Variants in SORCS1 observed in about 807,000 individuals in gnomAD.
The protein encoded by SORCS1 is VPS10 domain-containing receptor SorCS1.
A neutral mutation model predicts 146.1 loss-of-function variants in SORCS1; 60 were observed. That is an observed-to-expected ratio of 0.41 (90% CI 0.33 to 0.51). The LOEUF is 0.51. SORCS1 is among the 20% of genes least tolerant of loss of function. The pLI is 0.21. For synonymous variants in SORCS1, 637 were observed against 584.0 expected (o/e 1.09, Z -1.31); for missense variants, 1,352 against 1,487.6 (o/e 0.91, Z 1.50).
Position 106,861,167 on chromosome 10 carries a change from G to A in SORCS1, c.627-31494C>T, listed in dbSNP as rs148986404. 3.5e-3 allele frequency among the ~76,000 whole-genome samples: 528 copies of A among 152,268 alleles called. 6 individuals carry two copies. The highest frequency in any genetic ancestry group is 0.012 in the African/African-American group (516 of 41,574). On this transcript the variant is annotated intron_variant, in intron 2 of 25. Coordinates refer to ENST00000263054, the MANE Select transcript of SORCS1 (RefSeq NM_052918.5). ...AATCCCAGCACTTTGGGAGGCCGAG[G>A]CAGGCAGATTGCCTGAGCTCAGGAG...
chr10:106,674,238 A>G (rs1010487453), intron 14 of SORCS1, among the ~76,000 whole-genome samples: 2 of 148,652 alleles, frequency 1.3e-5, no homozygotes, highest in Non-Finnish European at 3.0e-5. Flanking sequence ...CTAAGGCAGG[A>G]GAATGGCATG....
chr10:106,868,594 T>C (rs186033201), intron 2 of SORCS1, among the ~76,000 whole-genome samples: 2 of 152,260 alleles, frequency 1.3e-5, no homozygotes, highest in Admixed American at 6.5e-5. Flanking sequence ...TGAATCACTT[T>C]TGGGTAAATA....
intron 3 of SORCS1, among the ~76,000 whole-genome samples, chr10:106,803,728 A>C (rs1046983588): frequency 1.3e-5 from 2 of 152,204 alleles, no homozygotes; most frequent in Non-Finnish European, 2.9e-5. Context: ...CAACTGATAA[A>C]AGAGTTTCTG....
At chr10:107,054,186 G>T (rs1035987180) in intron 1 of SORCS1, among the ~76,000 whole-genome samples, 18 of 152,166 alleles carry the variant, frequency 1.2e-4, no homozygotes, top group African/African-American at 4.3e-4. Flanking sequence ...TCAGAGAGGG[G>T]AAACTAGAAG....
chr10:107,178,844 A>T, the SORCS1 span, among the ~76,000 whole-genome samples: 4 of 135,498 alleles, frequency 3.0e-5, no homozygotes, highest in Non-Finnish European at 4.9e-5. Context: ...ATACCACATT[A>T]AAAAAAATCC....
At chr10:106,646,254 AAAAAAT>A (rs1462883658) in intron 18 of SORCS1, among the ~76,000 whole-genome samples, 1 of 152,140 alleles carries the variant, frequency 6.6e-6, no homozygotes, top group African/African-American at 2.4e-5. Context: ...CTCCATCTCA[AAAAAAT>A]AAAAATAAAA....
intron 5 of SORCS1, among the ~76,000 whole-genome samples, chr10:106,759,306 C>T (rs552437387): frequency 4.2e-4 from 64 of 152,234 alleles, no homozygotes; most frequent in Non-Finnish European, 7.9e-4. Flanking sequence ...TCATTGGCTC[C>T]TAAAAGGTCA....
At chr10:106,618,851 G>A (rs992719308) in intron 20 of SORCS1, among the ~76,000 whole-genome samples, 2 of 151,950 alleles carry the variant, frequency 1.3e-5, no homozygotes, top group Admixed American at 1.3e-4. Flanking sequence ...GTGGAAACAA[G>A]CACTAATTGG....
chr10:107,141,434 G>T (rs1303053813), intron 1 of SORCS1, among the ~76,000 whole-genome samples: 1 of 152,122 alleles, frequency 6.6e-6, no homozygotes, highest in East Asian at 1.9e-4. Flanking sequence ...GAGGAAGTAT[G>T]CAGTGAGCCC....
chr10:107,127,619 A>G (rs113811640), intron 1 of SORCS1, among the ~76,000 whole-genome samples: 1 of 152,172 alleles, frequency 6.6e-6, no homozygotes, highest in African/African-American at 2.4e-5. Flanking sequence ...GTCCTCTGTG[A>G]ACATCTCACG....
At chr10:107,062,950 A>G (rs946866812) in intron 1 of SORCS1, among the ~76,000 whole-genome samples, 1 of 152,222 alleles carries the variant, frequency 6.6e-6, no homozygotes, top group Non-Finnish European at 1.5e-5. Flanking sequence ...ACCCAGGAAT[A>G]AATATGCTTC....
intron 2 of SORCS1, among the ~76,000 whole-genome samples, chr10:106,930,884 C>T (rs1050746986): frequency 1.3e-5 from 2 of 152,126 alleles, no homozygotes; most frequent in Non-Finnish European, 2.9e-5. Context: ...GGGGAATCTG[C>T]CCTTCAAAGA....
intron 24 of SORCS1, among the ~76,000 whole-genome samples, chr10:106,587,844 T>G (rs948084114): frequency 1.3e-5 from 2 of 151,726 alleles, no homozygotes; most frequent in Non-Finnish European, 2.9e-5. Context: ...TGTATTTTTT[T>G]TGGGGGGGGT....
At chr10:106,679,599 T>G in intron 11 of SORCS1, 33 bp downstream of exon 11, 1 of 1,538,914 alleles carries the variant, frequency 6.5e-7, no homozygotes, top group African/African-American at 1.4e-5. Flanking sequence ...AAACACTATT[T>G]ACCACAGCCA....
chr10:106,718,716 A>G (rs1855564469), intron 6 of SORCS1, among the ~76,000 whole-genome samples: 1 of 152,130 alleles, frequency 6.6e-6, no homozygotes, highest in African/African-American at 2.4e-5. Context: ...CATTTTACAG[A>G]GTGCTGATTG....
chr10:106,843,429 C>CTTTTTTTTTT (rs141378677), intron 2 of SORCS1, among the ~76,000 whole-genome samples: 1 of 116,804 alleles, frequency 8.6e-6, no homozygotes, highest in African/African-American at 3.3e-5. Flanking sequence ...GCAGGATTTC[C>CTTTTTTTTTT]TTTTTTTTTT....
intron 24 of SORCS1, among the ~76,000 whole-genome samples, chr10:106,589,193 C>A (rs72821138): frequency 0.019 from 2,894 of 152,334 alleles, 37 homozygotes; most frequent in Middle Eastern, 0.048. Flanking sequence ...ACGAAGGGCA[C>A]ATAATCCCTA....
chr10:107,125,993 A>G (rs1379870643), intron 1 of SORCS1, among the ~76,000 whole-genome samples: 3 of 152,232 alleles, frequency 2.0e-5, no homozygotes, highest in Non-Finnish European at 2.9e-5. Flanking sequence ...CGTGTTGGGC[A>G]AATGTCTGTA....
At chr10:106,758,369 T>C (rs548500572) in intron 5 of SORCS1, among the ~76,000 whole-genome samples, 10 of 152,218 alleles carry the variant, frequency 6.6e-5, no homozygotes, top group Non-Finnish European at 1.2e-4. Flanking sequence ...CCTTTCAATA[T>C]TTTTCATTGT....
Sources: allele counts gnomAD v4.1 joint callset (sites outside exome capture counted in the v4.1 genomes callset), GRCh38; gene constraint gnomAD v4.1.1; transcripts MANE v1.5; gene names NCBI Gene and HGNC (gene_info 2026-07-23, HGNC 2026-07-21).